Variants in KIF26B observed in about 807,000 individuals in gnomAD.
The protein encoded by KIF26B is kinesin family member 26B.
Under a neutral mutation model 151.2 loss-of-function variants are expected in KIF26B, and 63 were observed. The observed-to-expected ratio is 0.42, with a 90% CI of 0.34 to 0.51. The LOEUF (loss-of-function observed/expected upper bound fraction) is 0.51, where lower values mean the gene tolerates loss of function less well. Among genes scored for constraint, KIF26B ranks in the 20% least tolerant of loss-of-function variants. KIF26B has a pLI of 0.07. For synonymous variants in KIF26B, 1,357 were observed against 1,262.1 expected (o/e 1.08, Z -1.59); for missense variants, 2,813 against 2,913.6 (o/e 0.97, Z 0.79).
chr1:245,685,834 C>T lies in KIF26B; in HGVS notation c.2851C>T (p.Pro951Ser). The change falls in exon 12 of 15, where the codon CCT becomes TCT. Residue 951 changes from proline to serine, a missense_variant. Physicochemically the swap from Pro to Ser is moderately conservative, Grantham distance 74 (BLOSUM62 -1). Around this residue, in one of 3 missense-constraint regions of KIF26B, gnomAD observed 2,060 missense variants for 2,088.6 expected, o/e 0.99. Coordinates refer to ENST00000407071, the MANE Select transcript of KIF26B (RefSeq NM_018012.4). ...EPSSFPFEELPAQFGPEQASR... is the reference protein window; with the variant it reads ...EPSSFPFEELSAQFGPEQASR... Reference sequence around the variant, plus strand: ...CAGCAGCTTTCCTTTCGAAGAACTGCCTGCTCAGTTTGGGCCAGAGCAGGC... The same window carrying T: ...CAGCAGCTTTCCTTTCGAAGAACTGTCTGCTCAGTTTGGGCCAGAGCAGGC... 6.2e-7 allele frequency: 1 copy of T among 1,611,998 alleles called. No individual in the cohort carries two copies. The highest frequency in any genetic ancestry group is 8.5e-7 in the Non-Finnish European group (1 of 1,179,310).
chr1:245,577,898 G>A (rs907841685), intron 5 of KIF26B, among the ~76,000 whole-genome samples: 7 of 150,628 alleles, frequency 4.6e-5, no homozygotes, highest in African/African-American at 1.2e-4. Flanking sequence ...GTGGAACTCC[G>A]GGCGATGCTT....
At chr1:245,517,103 C>T (rs1439785084) in intron 4 of KIF26B, among the ~76,000 whole-genome samples, 1 of 152,218 alleles carries the variant, frequency 6.6e-6, no homozygotes, top group African/African-American at 2.4e-5. Flanking sequence ...TGGTGGCTCA[C>T]ACCTTTAATC....
At chr1:245,595,700 C>G (rs2043330932) in intron 5 of KIF26B, among the ~76,000 whole-genome samples, 1 of 152,130 alleles carries the variant, frequency 6.6e-6, no homozygotes, top group African/African-American at 2.4e-5. Flanking sequence ...AGGAGTCCCT[C>G]TTTTTCTATA....
In KIF26B at chr1:245,255,068, A is replaced by G. The variant is rs529566476; in HGVS notation, c.465+98385A>G. Among the ~76,000 whole-genome samples the G allele has an allele frequency of 2.6e-5, 4 of 152,276 alleles. No homozygotes were observed. The East Asian group carries it at 7.7e-4, about 29-fold the overall frequency. ...CCCTCATGAATGGATTAATGTCATT[A>G]TCTTGGGAATTATCTTGGGTTTCTG... On this transcript the variant is annotated intron_variant, in intron 2 of 14. Transcript: ENST00000407071.
chr1:245,688,600 A>G lies in KIF26B; in HGVS notation c.5617A>G (p.Ser1873Gly). ...CAGCGGCCACGGCAGCGACAACAGCAGCGTGCTGAGCGGGGAGCTCCCGCC... is the reference window on the plus strand; with the variant it reads ...CAGCGGCCACGGCAGCGACAACAGCGGCGTGCTGAGCGGGGAGCTCCCGCC... Reference protein sequence around the residue: ...CSSGHGSDNSSVLSGELPPAM... With the variant: ...CSSGHGSDNSGVLSGELPPAM... Residue 1873 changes from serine (S) to glycine (G), a missense_variant, in exon 12 of 15, where the codon AGC becomes GGC. Physicochemically the swap from Ser to Gly is moderately conservative, Grantham distance 56. This residue lies in a region of KIF26B where 2,060 missense variants were observed against 2,088.6 expected (regional missense o/e 0.99). Transcript: ENST00000407071. The G allele has an allele frequency of 6.3e-7, 1 of 1,584,376 alleles. No homozygotes were observed. Among genetic ancestry groups the G allele is most frequent in the Non-Finnish European group, 8.6e-7 (1 of 1,168,106 alleles).
At chr1:245,190,594 C>T (rs1409949726) in intron 2 of KIF26B, among the ~76,000 whole-genome samples, 2 of 148,304 alleles carry the variant, frequency 1.3e-5, no homozygotes, top group African/African-American at 5.1e-5. Context: ...TGGTTTTATA[C>T]ATAGGACATC....
rs140422448 is a variant in KIF26B, at chr1:245,644,501, G to A, written c.2099-1620G>A. Among the ~76,000 whole-genome samples, 10 of 152,274 alleles carry A rather than the reference G, an allele frequency of 6.6e-5. No individual in the cohort carries two copies. In the East Asian group the frequency reaches 1.3e-3, roughly 21 times the overall value. Reference sequence around the variant, plus strand: ...TCTTCATTATGGGTTTCATTTTCCCGAGTCTTTACTTTGTAAATATTCTTA... The same window carrying A: ...TCTTCATTATGGGTTTCATTTTCCCAAGTCTTTACTTTGTAAATATTCTTA... On this transcript the variant is annotated intron_variant, in intron 9 of 14. Transcript: ENST00000407071.
chr1:245,633,552 A>G (rs758388106), intron 9 of KIF26B, among the ~76,000 whole-genome samples: 3 of 151,704 alleles, frequency 2.0e-5, no homozygotes, highest in Non-Finnish European at 4.4e-5. Flanking sequence ...AGTCTTGCGT[A>G]TTCTCACGGT....
At chr1:245,321,587 A>G (rs74153528) in intron 2 of KIF26B, among the ~76,000 whole-genome samples, 4,022 of 152,328 alleles carry the variant, frequency 0.026, 180 homozygotes, top group African/African-American at 0.088. Flanking sequence ...TTTGTAAATG[A>G]TGACTATTAG....
intron 3 of KIF26B, among the ~76,000 whole-genome samples, chr1:245,406,974 G>C (rs1417972860): frequency 6.6e-6 from 1 of 152,064 alleles, no homozygotes; most frequent in Non-Finnish European, 1.5e-5. Context: ...TTTTAGTAGA[G>C]ACAAGGTTTT....
intron 2 of KIF26B, among the ~76,000 whole-genome samples, chr1:245,171,630 C>A (rs1204850196): frequency 6.6e-6 from 1 of 152,158 alleles, no homozygotes; most frequent in Non-Finnish European, 1.5e-5. Flanking sequence ...GTATAAATTG[C>A]CTTTTCTCCT....
intron 3 of KIF26B, among the ~76,000 whole-genome samples, chr1:245,404,574 G>GT (rs1047955655): frequency 6.6e-6 from 1 of 152,190 alleles, no homozygotes; most frequent in Non-Finnish European, 1.5e-5. Flanking sequence ...CAAGCTTTGG[G>GT]AAATGCCATA....
chr1:245,675,894 T>C (rs1324096848), intron 10 of KIF26B, among the ~76,000 whole-genome samples: 1 of 152,130 alleles, frequency 6.6e-6, no homozygotes, highest in Non-Finnish European at 1.5e-5. Flanking sequence ...TTAGAAGTTA[T>C]TAAAAAGAAG....
intron 2 of KIF26B, among the ~76,000 whole-genome samples, chr1:245,215,830 GA>G (rs573199169): frequency 5.3e-5 from 8 of 152,254 alleles, no homozygotes; most frequent in Non-Finnish European, 8.8e-5. Flanking sequence ...TAGATAATTT[GA>G]AAATGTGCCC....
chr1:245,276,233 G>A (rs1397946864), intron 2 of KIF26B, among the ~76,000 whole-genome samples: 9 of 152,040 alleles, frequency 5.9e-5, no homozygotes, highest in African/African-American at 1.2e-4. Context: ...TACTCAGGAG[G>A]CTGAGGCAGG....
intron 2 of KIF26B, among the ~76,000 whole-genome samples, chr1:245,309,926 A>G (rs1293148388): frequency 6.8e-6 from 1 of 146,732 alleles, no homozygotes; most frequent in Non-Finnish European, 1.5e-5. Flanking sequence ...ATATAAATCA[A>G]TAAATATCTC....
rs568305460 is a variant in KIF26B at position 245,622,559 on chromosome 1, C to T, written c.2098+10583C>T. Among the ~76,000 whole-genome samples, 7 of 152,340 alleles carry T rather than the reference C, an allele frequency of 4.6e-5. No individual in the cohort carries two copies. In the East Asian group the frequency reaches 1.3e-3, roughly 29 times the overall value. Reference sequence around the variant, plus strand: ...GCAATGGTCCAGACACACGCGGGTCCCACACGCTCTGCTCGCTTTTTGTAC... The same window carrying T: ...GCAATGGTCCAGACACACGCGGGTCTCACACGCTCTGCTCGCTTTTTGTAC... On this transcript the variant is annotated intron_variant, in intron 9 of 14. Coordinates refer to ENST00000407071, the MANE Select transcript of KIF26B (RefSeq NM_018012.4).
intron 5 of KIF26B, among the ~76,000 whole-genome samples, chr1:245,579,717 A>G (rs995460832): frequency 4.0e-4 from 61 of 152,104 alleles, no homozygotes; most frequent in African/African-American, 1.4e-3. Flanking sequence ...GTGTGGTGGC[A>G]CATGCCTGTA....
chr1:245,317,351 G>C (rs1671798866), intron 2 of KIF26B, among the ~76,000 whole-genome samples: 1 of 152,150 alleles, frequency 6.6e-6, no homozygotes, highest in African/African-American at 2.4e-5. Context: ...CTGTCTGTGA[G>C]CTTTCACGGG....
Sources: allele counts gnomAD v4.1 joint callset (sites outside exome capture counted in the v4.1 genomes callset), GRCh38; gene constraint gnomAD v4.1.1; regional missense constraint gnomAD v4.1.1; transcripts MANE v1.5; gene names NCBI Gene and HGNC (gene_info 2026-07-23, HGNC 2026-07-21).